Variants in FOXN2 observed in about 807,000 individuals in gnomAD.
FOXN2 encodes the protein forkhead box N2.
In FOXN2, 19 loss-of-function variants were observed where a neutral mutation model predicts 41.2. That is an observed-to-expected ratio of 0.46 (90% CI 0.32 to 0.68). The LOEUF is 0.68. Ranked by LOEUF, FOXN2 falls within the 30% of genes least tolerant of loss-of-function variation. The probability of loss-of-function intolerance (pLI) is 0.03; values close to 1 mark genes in which losing one functional copy is unlikely to be tolerated. For missense variants in FOXN2, 587 were observed against 509.4 expected (o/e 1.15, Z -1.47); for synonymous variants, 195 against 176.8 (o/e 1.10, Z -0.82).
Position 48,375,378 on chromosome 2 carries a change from C to G in FOXN2, c.1231C>G (p.Arg411Gly). The G allele has an allele frequency of 6.2e-7, 1 of 1,613,494 alleles. No homozygotes were observed. The highest frequency in any genetic ancestry group is 1.1e-5 in the South Asian group (1 of 91,038). ...ATCTCTGCTCCACCTTGCTGGAATT[C>G]GTACATGTTTAGGTTCCCTAATAAG... ...AGSLLHLAGIRTCLGSLISTA... is the reference protein window; with the variant it reads ...AGSLLHLAGIGTCLGSLISTA... The change falls in exon 7 of 7, where the codon CGT becomes GGT. Residue 411 changes from arginine to glycine, a missense_variant. By Grantham distance (125) the Arg-to-Gly change is moderately radical. Transcript: ENST00000340553.
At chr2:48,329,909 A>AG (rs1377148048) in intron 2 of FOXN2, among the ~76,000 whole-genome samples, 6 of 152,012 alleles carry the variant, frequency 3.9e-5, no homozygotes, top group African/African-American at 1.4e-4. Flanking sequence ...TTAAAGCTGT[A>AG]GTGGCTGTTA....
intron 3 of FOXN2, among the ~76,000 whole-genome samples, chr2:48,350,142 A>G (rs1292145471): frequency 1.3e-5 from 2 of 152,260 alleles, no homozygotes; most frequent in African/African-American, 4.8e-5. Flanking sequence ...GTTGCCATTT[A>G]TCCACATGTG....
At chr2:48,318,287 C>T (rs1034616759) in intron 1 of FOXN2, among the ~76,000 whole-genome samples, 1 of 152,122 alleles carries the variant, frequency 6.6e-6, no homozygotes, top group Non-Finnish European at 1.5e-5. Flanking sequence ...CAGAATTTCA[C>T]TTTCTATGAC....
In FOXN2 at chr2:48,375,448, A is replaced by G; in HGVS notation, c.*5A>G. 2 of 1,596,302 alleles carry G rather than the reference A, an allele frequency of 1.3e-6. No individual in the cohort carries two copies. The highest frequency in any genetic ancestry group is 8.5e-7 in the Non-Finnish European group (1 of 1,171,830). On this transcript the variant is annotated 3_prime_UTR_variant, in exon 7 of 7. Coordinates refer to ENST00000340553, the MANE Select transcript of FOXN2 (RefSeq NM_002158.4). ...CAAAAGCAACGGAAAAAATAGAAATACTTAAAGTGTGGCAATACTCTTTCA... is the reference window on the plus strand; with the variant it reads ...CAAAAGCAACGGAAAAAATAGAAATGCTTAAAGTGTGGCAATACTCTTTCA...
At chr2:48,360,078 T>C (rs752785733) in intron 4 of FOXN2, among the ~76,000 whole-genome samples, 1 of 152,158 alleles carries the variant, frequency 6.6e-6, no homozygotes, top group Non-Finnish European at 1.5e-5. Flanking sequence ...CTGTATTTGC[T>C]TATAATTTTC....
Position 48,375,179 on chromosome 2 carries a change from T to C in FOXN2, c.1032T>C (p.Ser344=), listed in dbSNP as rs375479730. The change falls in exon 7 of 7, where the codon AGT becomes AGC. Residue 344 remains serine (S), a synonymous_variant. Coordinates refer to ENST00000340553, the MANE Select transcript of FOXN2 (RefSeq NM_002158.4). ...ATAGTCACGTGGGAAGTGATGGCAG[T>C]GAAGGATTTCACAGTGAAGAAGATA... The part of the protein sequence containing the change: ...PKNSHVGSDG[S]EGFHSEEDTD... 21 of 1,613,988 alleles carry C rather than the reference T, an allele frequency of 1.3e-5. No individual in the cohort carries two copies. In the African/African-American group the frequency reaches 2.3e-4, roughly 17 times the overall value.
intron 4 of FOXN2, among the ~76,000 whole-genome samples, chr2:48,361,235 G>A (rs754665583): frequency 3.3e-5 from 5 of 152,086 alleles, no homozygotes; most frequent in African/African-American, 7.2e-5. Flanking sequence ...GGTAGGCCGA[G>A]GCCAGTGGAT....
chr2:48,363,361 G>T (rs1037045679), intron 5 of FOXN2, among the ~76,000 whole-genome samples: 1 of 151,470 alleles, frequency 6.6e-6, no homozygotes, highest in Non-Finnish European at 1.5e-5. Flanking sequence ...TATTACAAAA[G>T]AGTAAAAATT....
chr2:48,362,749 CTT>C (rs765890651), intron 5 of FOXN2, 42 bp downstream of exon 5: 6 of 1,535,320 alleles, frequency 3.9e-6, no homozygotes, highest in African/African-American at 1.4e-5. Flanking sequence ...ACACAACAAT[CTT>C]TTGGTCAACA....
intron 5 of FOXN2, among the ~76,000 whole-genome samples, chr2:48,372,513 T>C (rs973924537): frequency 6.6e-6 from 1 of 152,214 alleles, no homozygotes; most frequent in Non-Finnish European, 1.5e-5. Flanking sequence ...TAATTATTAA[T>C]GGTGTAATTT....
intron 1 of FOXN2, among the ~76,000 whole-genome samples, chr2:48,321,763 T>G (rs537613710): frequency 5.3e-5 from 8 of 152,296 alleles, no homozygotes; most frequent in Non-Finnish European, 1.0e-4. Flanking sequence ...TAGTACATTA[T>G]ACATGGTAAG....
intron 2 of FOXN2, among the ~76,000 whole-genome samples, chr2:48,336,408 C>CGAAA (rs1670355612): frequency 8.5e-6 from 1 of 118,036 alleles, no homozygotes; most frequent in African/African-American, 3.0e-5. Context: ...CCTCAGTTTC[C>CGAAA]AAAAAAAAAA....
At chr2:48,338,762 A>C (rs1022917499) in intron 2 of FOXN2, among the ~76,000 whole-genome samples, 1 of 152,212 alleles carries the variant, frequency 6.6e-6, no homozygotes, top group Non-Finnish European at 1.5e-5. Context: ...GAAATTGGAT[A>C]AAAAATACAT....
At chr2:48,316,323 A>G in intron 1 of FOXN2, among the ~76,000 whole-genome samples, 1 of 152,278 alleles carries the variant, frequency 6.6e-6, no homozygotes, top group East Asian at 1.9e-4. Flanking sequence ...ATAATAGAGT[A>G]GTGCATTATG....
chr2:48,340,326 C>G (rs564224156), intron 2 of FOXN2, among the ~76,000 whole-genome samples: 1 of 152,194 alleles, frequency 6.6e-6, no homozygotes, highest in African/African-American at 2.4e-5. Flanking sequence ...AAGCATTTCT[C>G]TCTTACCAAT....
intron 1 of FOXN2, among the ~76,000 whole-genome samples, chr2:48,322,040 C>G (rs548117484): frequency 6.6e-6 from 1 of 152,134 alleles, no homozygotes; most frequent in Non-Finnish European, 1.5e-5. Context: ...TCTCCGCCTT[C>G]GAGGTTCAAG....
At chr2:48,363,744 A>G (rs1324605396) in intron 5 of FOXN2, among the ~76,000 whole-genome samples, 2 of 152,178 alleles carry the variant, frequency 1.3e-5, no homozygotes, top group East Asian at 1.9e-4. Flanking sequence ...ACAATTACCT[A>G]TAGTATTCAG....
At chr2:48,356,901 A>T (rs1265014035) in intron 3 of FOXN2, among the ~76,000 whole-genome samples, 1 of 152,232 alleles carries the variant, frequency 6.6e-6, no homozygotes, top group Non-Finnish European at 1.5e-5. Context: ...AAAATAATAA[A>T]ATGAGAGAAT....
In FOXN2 at chr2:48,376,144, A is replaced by T. The variant is rs1402709527; in HGVS notation, c.*701A>T. ...GCTTTGAAGTGTTTTTACTTCAGAG[A>T]TCCTGCATAGCATTTATTGGGGCCT... On this transcript the variant is annotated 3_prime_UTR_variant, in exon 7 of 7. Transcript: ENST00000340553. 1.3e-5 allele frequency: 2 copies of T among 152,176 alleles called. No homozygotes were observed. The highest frequency in any genetic ancestry group is 2.9e-5 in the Non-Finnish European group (2 of 68,022). 9.4% of individuals were successfully genotyped at this position (152,176 alleles called of 1,614,324 possible). A position where few individuals can be genotyped will look rare whatever the true frequency, so the allele number is the denominator to read the frequency against.
Sources: gnomAD v4.1 joint callset for allele counts (sites outside exome capture counted in the v4.1 genomes callset) on GRCh38, gnomAD v4.1.1 for gene constraint, MANE v1.5 for transcripts, NCBI Gene and HGNC (gene_info 2026-07-23, HGNC 2026-07-21) for gene names.